NME7: variants seen among roughly 807,000 people sequenced by gnomAD.
NME7 encodes the protein NME/NM23 family member 7.
NME7 carries 41 observed loss-of-function variants against 49.1 expected under a neutral mutation model. That is an observed-to-expected ratio of 0.83 (90% CI 0.65 to 1.08). The LOEUF is 1.08. Among genes scored for constraint, NME7 ranks in the 50% least tolerant of loss-of-function variants. NME7 has a pLI of 0.00. For missense variants in NME7, 423 were observed against 463.4 expected (o/e 0.91, Z 0.80); for synonymous variants, 139 against 150.6 (o/e 0.92, Z 0.56).
rs61808939 is a variant in NME7, at chr1:169,292,892, A to T, written c.649-5484T>A. Among the ~76,000 whole-genome samples the T allele has an allele frequency of 2.8e-3, 419 of 152,256 alleles. 3 individuals carry two copies. Among genetic ancestry groups the T allele is most frequent in the Non-Finnish European group, 4.7e-3 (322 of 68,006 alleles). On this transcript the variant is annotated intron_variant, in intron 6 of 11. Coordinates refer to ENST00000367811, the MANE Select transcript of NME7 (RefSeq NM_013330.5). ...ATGTTCAGAAGGAAAAACCTACAAG[A>T]TCTTTTGCTGATTCTATTAAGGGGA...
chr1:169,233,926 C>A (rs1316469694), intron 9 of NME7, among the ~76,000 whole-genome samples: 1 of 150,638 alleles, frequency 6.6e-6, no homozygotes, highest in African/African-American at 2.5e-5. Flanking sequence ...CCTTTTTTTC[C>A]TTTGTTTCTT....
At chr1:169,195,900 A>G (rs1660368049) in intron 10 of NME7, among the ~76,000 whole-genome samples, 1 of 152,176 alleles carries the variant, frequency 6.6e-6, no homozygotes, top group Non-Finnish European at 1.5e-5. Flanking sequence ...TATGTTTAGA[A>G]GCTAATACTT....
chr1:169,315,376 C>T (rs1261324508), intron 3 of NME7, among the ~76,000 whole-genome samples: 12 of 151,638 alleles, frequency 7.9e-5, no homozygotes, highest in Admixed American at 7.2e-4. Context: ...GCAATTCTCC[C>T]ACTCAGCCTC....
intron 7 of NME7, among the ~76,000 whole-genome samples, chr1:169,270,350 T>A (rs1169000677): frequency 3.7e-5 from 5 of 133,892 alleles, no homozygotes; most frequent in African/African-American, 1.0e-4. Context: ...TTTGGCTACC[T>A]CCTCTTGCCC....
chr1:169,179,061 T>C (rs1221468538), intron 10 of NME7, among the ~76,000 whole-genome samples: 2 of 152,152 alleles, frequency 1.3e-5, no homozygotes, highest in East Asian at 3.9e-4. Context: ...CTTCAGATAA[T>C]CTGCCCACCT....
At chr1:169,217,708 A>G (rs1019366650) in intron 10 of NME7, among the ~76,000 whole-genome samples, 1 of 152,172 alleles carries the variant, frequency 6.6e-6, no homozygotes, top group Non-Finnish European at 1.5e-5. Flanking sequence ...AAAGAAAGGA[A>G]AAGTATTTAC....
chr1:169,186,624 T>C (rs1571274654), intron 10 of NME7, among the ~76,000 whole-genome samples: 1 of 152,164 alleles, frequency 6.6e-6, no homozygotes. Flanking sequence ...CCCTTTATCA[T>C]TTTTTATTGT....
intron 11 of NME7, among the ~76,000 whole-genome samples, chr1:169,152,794 T>G (rs552876613): frequency 6.6e-6 from 1 of 152,152 alleles, no homozygotes; most frequent in Non-Finnish European, 1.5e-5. Context: ...TCTACTCACC[T>G]TAAACTCTGC....
At chr1:169,133,824 T>C (rs1486667839) in intron 11 of NME7, among the ~76,000 whole-genome samples, 5 of 152,220 alleles carry the variant, frequency 3.3e-5, no homozygotes, top group African/African-American at 4.8e-5. Context: ...AAGGTGTATG[T>C]GATATTTAAA....
intron 11 of NME7, among the ~76,000 whole-genome samples, chr1:169,138,499 C>A (rs754663921): frequency 6.6e-6 from 1 of 151,982 alleles, no homozygotes; most frequent in African/African-American, 2.4e-5. Context: ...CACTTGAGCC[C>A]AGGAGTTCGA....
At chr1:169,287,473 T>C in intron 6 of NME7, 65 bp from the exon 7 acceptor site, 1 of 1,130,792 alleles carries the variant, frequency 8.8e-7, no homozygotes, top group Non-Finnish European at 1.2e-6. Context: ...AAGATATTTC[T>C]GTGGGGGAGG....
Position 169,207,382 on chromosome 1 carries a change from G to T in NME7, c.990+23336C>A, listed in dbSNP as rs1258747116. Among the ~76,000 whole-genome samples, 3 of 151,196 alleles carry T rather than the reference G, an allele frequency of 2.0e-5. No individual in the cohort carries two copies. The East Asian group carries it at 5.8e-4, about 29-fold the overall frequency. ...AGAATCACATTTCAATATGAGATTT[G>T]GGGGAGTCAAGCAAACCAAACTAGA... On this transcript the variant is annotated intron_variant, in intron 10 of 11. Transcript: ENST00000367811.
At position 169,258,431 on chromosome 1, in the gene NME7, C is replaced by T. The variant is rs1311441550; in HGVS notation, c.755-20744G>A. On this transcript the variant is annotated intron_variant, in intron 7 of 11. Coordinates refer to ENST00000367811, the MANE Select transcript of NME7 (RefSeq NM_013330.5). ...ACACACACACACACACACATACACA[C>T]ACACATATATCTTCTCATTCTCAAA... Among the ~76,000 whole-genome samples, 3 of 117,686 alleles carry T rather than the reference C, an allele frequency of 2.5e-5. 1 individual carries two copies. The highest frequency in any genetic ancestry group is 3.8e-5 in the Non-Finnish European group (2 of 52,464). 77.2% of individuals were successfully genotyped at this position (117,686 alleles called of 152,430 possible).
chr1:169,242,645 T>C (rs4656181), intron 7 of NME7, among the ~76,000 whole-genome samples: 56,847 of 150,978 alleles, frequency 0.38, 11,405 homozygotes, highest in East Asian at 0.79. Flanking sequence ...TCTCTATTTG[T>C]ATATGACATG....
At position 169,360,691 on chromosome 1, in the gene NME7, T is replaced by C. The variant is rs72702154; in HGVS notation, c.3+7017A>G. ...TCACCTGGCAAGCTGCTTTCTATCA[T>C]TGACATCTCAGCTTAAAAGTCACAT... On this transcript the variant is annotated intron_variant, in intron 1 of 11. Transcript: ENST00000367811. Among the ~76,000 whole-genome samples, 1,462 of 152,298 alleles carry C rather than the reference T, an allele frequency of 9.6e-3. 15 individuals are homozygous for C. Among genetic ancestry groups the C allele is most frequent in the Non-Finnish European group, 0.016 (1,102 of 68,026 alleles).
intron 1 of NME7, among the ~76,000 whole-genome samples, chr1:169,328,419 T>C (rs951405080): frequency 1.3e-5 from 2 of 152,180 alleles, no homozygotes; most frequent in Admixed American, 1.3e-4. Context: ...CCTGTGACTT[T>C]AGAACTGCAT....
At position 169,177,172 on chromosome 1, in the gene NME7, C is replaced by G. The variant is rs115153173; in HGVS notation, c.991-7618G>C. Reference sequence around the variant, plus strand: ...CTACAATTCAATGCTCAGAAACTTCCTCAAAGGAATAAAATAATGAAATAG... The same window carrying G: ...CTACAATTCAATGCTCAGAAACTTCGTCAAAGGAATAAAATAATGAAATAG... On this transcript the variant is annotated intron_variant, in intron 10 of 11. Coordinates refer to ENST00000367811, the MANE Select transcript of NME7 (RefSeq NM_013330.5). Among the ~76,000 whole-genome samples the G allele has an allele frequency of 1.9e-3, 286 of 152,218 alleles. 3 individuals are homozygous for G. The highest frequency in any genetic ancestry group is 6.6e-3 in the African/African-American group (274 of 41,498).
At chr1:169,195,919 C>A (rs1660369422) in intron 10 of NME7, among the ~76,000 whole-genome samples, 1 of 152,088 alleles carries the variant, frequency 6.6e-6, no homozygotes, top group South Asian at 2.1e-4. Flanking sequence ...TTACTTGTTA[C>A]AGAAGAAAGT....
intron 10 of NME7, among the ~76,000 whole-genome samples, chr1:169,208,991 G>A (rs1660745879): frequency 6.6e-6 from 1 of 152,058 alleles, no homozygotes; most frequent in South Asian, 2.1e-4. Flanking sequence ...ATCCACACAT[G>A]AATCTCCACA....
Sources: allele counts gnomAD v4.1 joint callset (sites outside exome capture counted in the v4.1 genomes callset), GRCh38; gene constraint gnomAD v4.1.1; transcripts MANE v1.5; gene names NCBI Gene and HGNC (gene_info 2026-07-23, HGNC 2026-07-21).